The following EMCN variants were observed in gnomAD, a reference collection of about 807,000 sequenced individuals.
The protein encoded by EMCN is MUC-14.
In EMCN, 37 loss-of-function variants were observed where a neutral mutation model predicts 38.4. The observed-to-expected ratio is 0.96, with a 90% CI of 0.74 to 1.27. EMCN has a LOEUF of 1.27. Among genes scored for constraint, EMCN ranks in the 50% most tolerant of loss-of-function variants. The pLI is 0.00. For missense variants in EMCN, 318 were observed against 302.8 expected, an observed-to-expected ratio of 1.05 and a Z score of -0.37; for synonymous variants, 95 against 100.8, an observed-to-expected ratio of 0.94 and a Z score of 0.35.
intron 5 of EMCN, among the ~76,000 whole-genome samples, chr4:100,423,981 G>GT (rs550717689): frequency 4.0e-5 from 6 of 151,132 alleles, no homozygotes; most frequent in African/African-American, 9.7e-5. Flanking sequence ...CTACTTGACT[G>GT]TTTTTTTTCA....
intron 1 of EMCN, among the ~76,000 whole-genome samples, chr4:100,495,060 G>A (rs1427873959): frequency 6.6e-6 from 1 of 152,008 alleles, no homozygotes; most frequent in Non-Finnish European, 1.5e-5. Context: ...GATGCAGGGA[G>A]CTGGGAAGAA....
chr4:100,442,379 G>A (rs927180602), intron 5 of EMCN, among the ~76,000 whole-genome samples: 2 of 152,058 alleles, frequency 1.3e-5, no homozygotes, highest in Non-Finnish European at 2.9e-5. Context: ...GATCTCTTTG[G>A]GTTGTATATT....
rs1307882951 is a variant in EMCN, at chr4:100,423,310, A to G, written c.508+2T>C. ...TTCCACTCAGGCACACAGATATCATACCTTGAGACTGTGAGGTGTTTTCTG... is the reference window on the plus strand; with the variant it reads ...TTCCACTCAGGCACACAGATATCATGCCTTGAGACTGTGAGGTGTTTTCTG... On this transcript the variant is annotated splice_donor_variant, in intron 6 of 11. Transcript: ENST00000296420. LOFTEE classifies it high-confidence loss of function. 3 of 1,606,376 alleles carry G rather than the reference A, an allele frequency of 1.9e-6. No individual in the cohort carries two copies. Among genetic ancestry groups the G allele is most frequent in the African/African-American group, 1.3e-5 (1 of 74,690 alleles).
intron 4 of EMCN, among the ~76,000 whole-genome samples, chr4:100,447,832 C>T (rs557576762): frequency 1.3e-5 from 2 of 152,168 alleles, no homozygotes; most frequent in Non-Finnish European, 2.9e-5. Context: ...CATAACTATT[C>T]ACCTCTGCCT....
intron 4 of EMCN, among the ~76,000 whole-genome samples, chr4:100,455,407 C>T (rs1727981903): frequency 6.6e-6 from 1 of 151,948 alleles, no homozygotes; most frequent in Non-Finnish European, 1.5e-5. Context: ...ATTGAAATTT[C>T]CATCTGGTAC....
chr4:100,491,895 G>A (rs1249877451), intron 1 of EMCN, among the ~76,000 whole-genome samples: 1 of 152,158 alleles, frequency 6.6e-6, no homozygotes, highest in African/African-American at 2.4e-5. Context: ...AGACTAAATA[G>A]TGAAAGTTTA....
At chr4:100,401,113 T>C (rs918401275) in intron 11 of EMCN, among the ~76,000 whole-genome samples, 11 of 152,122 alleles carry the variant, frequency 7.2e-5, no homozygotes, top group African/African-American at 2.4e-4. Context: ...GATCATTTTG[T>C]CTTGGTTTTA....
intron 8 of EMCN, among the ~76,000 whole-genome samples, chr4:100,419,830 A>G (rs1443323114): frequency 6.6e-6 from 1 of 152,066 alleles, no homozygotes; most frequent in East Asian, 1.9e-4. Flanking sequence ...ACCAAGAGCT[A>G]AAATGAACTC....
At chr4:100,416,999 G>T in intron 9 of EMCN, 118 bp downstream of exon 9, 1 of 997,116 alleles carries the variant, frequency 1.0e-6, no homozygotes, top group South Asian at 1.4e-5. Context: ...AACAGTTAAA[G>T]CCAATATGTA....
At chr4:100,444,462 G>T (rs1039369046) in intron 5 of EMCN, among the ~76,000 whole-genome samples, 27 of 152,280 alleles carry the variant, frequency 1.8e-4, no homozygotes, top group African/African-American at 6.5e-4. Flanking sequence ...GATGGTGGTG[G>T]TGGGGTATGC....
intron 5 of EMCN, among the ~76,000 whole-genome samples, chr4:100,444,117 C>T (rs566961156): frequency 6.4e-4 from 98 of 152,240 alleles, no homozygotes; most frequent in African/African-American, 2.3e-3. Context: ...CACCAGTCCC[C>T]CAAGAGGCAG....
At chr4:100,497,504 G>T (rs1729239925) in intron 1 of EMCN, among the ~76,000 whole-genome samples, 1 of 152,042 alleles carries the variant, frequency 6.6e-6, no homozygotes, top group African/African-American at 2.4e-5. Context: ...AGCCTCCTGA[G>T]TAGTTGGGAC....
intron 11 of EMCN, among the ~76,000 whole-genome samples, chr4:100,406,969 CA>C (rs1162138377): frequency 6.6e-6 from 1 of 151,876 alleles, no homozygotes; most frequent in Non-Finnish European, 1.5e-5. Flanking sequence ...AACCCTTTAT[CA>C]CTTCCTTTCT....
intron 5 of EMCN, among the ~76,000 whole-genome samples, chr4:100,434,350 T>G (rs1419580511): frequency 1.4e-4 from 17 of 123,788 alleles, no homozygotes; most frequent in Non-Finnish European, 2.4e-4. Context: ...AAATGAGTTC[T>G]GAAATTGAGG....
intron 5 of EMCN, among the ~76,000 whole-genome samples, chr4:100,425,956 G>C (rs1326573001): frequency 6.6e-6 from 1 of 152,034 alleles, no homozygotes; most frequent in African/African-American, 2.4e-5. Context: ...GGTTGTTTCA[G>C]GATTTAAGTC....
chr4:100,498,310 GA>G (rs1411098438), intron 1 of EMCN, among the ~76,000 whole-genome samples: 1 of 151,796 alleles, frequency 6.6e-6, no homozygotes, highest in Non-Finnish European at 1.5e-5. Flanking sequence ...TTCGCTAGAT[GA>G]AAAAAAGTAT....
chr4:100,429,448 A>G (rs1727139564), intron 5 of EMCN, among the ~76,000 whole-genome samples: 1 of 152,176 alleles, frequency 6.6e-6, no homozygotes, highest in Non-Finnish European at 1.5e-5. Flanking sequence ...TAGGTAAAAT[A>G]TCACAGGAGG....
chr4:100,419,096 G>A (rs13144576), intron 8 of EMCN, among the ~76,000 whole-genome samples: 14,446 of 151,744 alleles, frequency 0.095, 821 homozygotes, highest in Middle Eastern at 0.15. Context: ...TTTTTCCCTA[G>A]GAAACTATAG....
Position 100,396,653 on chromosome 4 carries a change from G to T in EMCN, c.*1760C>A, listed in dbSNP as rs13112215. Reference sequence around the variant, plus strand: ...TGTCTTCTGGGTTCAAGCGATTCACGTTCCTCAGGCTCCAGAGTAGCTGGG... The same window carrying T: ...TGTCTTCTGGGTTCAAGCGATTCACTTTCCTCAGGCTCCAGAGTAGCTGGG... On this transcript the variant is annotated 3_prime_UTR_variant, in exon 12 of 12. Transcript: ENST00000296420. 14,467 of 145,404 alleles carry T rather than the reference G, an allele frequency of 0.099. 830 individuals are homozygous for T. The highest frequency in any genetic ancestry group is 0.15 in the Middle Eastern group (40 of 270). The allele number at this position is 145,404 out of a possible 1,614,324, so 9.0% of individuals were successfully genotyped here.
Sources: gnomAD v4.1 joint callset for allele counts (sites outside exome capture counted in the v4.1 genomes callset) on GRCh38, gnomAD v4.1.1 for gene constraint, MANE v1.5 for transcripts, NCBI Gene and HGNC (gene_info 2026-07-23, HGNC 2026-07-21) for gene names.